The following AMOTL1 variants were observed in gnomAD, a reference collection of about 807,000 sequenced individuals.
AMOTL1 encodes angiomotin like 1.
In AMOTL1, 45 loss-of-function variants were observed where a neutral mutation model predicts 102.9. That is an observed-to-expected ratio of 0.44 (90% CI 0.34 to 0.56). The LOEUF is 0.56. Ranked by LOEUF, AMOTL1 falls within the 20% of genes least tolerant of loss-of-function variation. The probability of loss-of-function intolerance (pLI) is 0.01; values close to 1 mark genes in which losing one functional copy is unlikely to be tolerated. For synonymous variants in AMOTL1, 481 were observed against 484.7 expected, an observed-to-expected ratio of 0.99 and a Z score of 0.10; for missense variants, 1,114 against 1,225.6, an observed-to-expected ratio of 0.91 and a Z score of 1.36.
chr11:94,733,919 A>G (rs1950395235), intron 2 of AMOTL1, among the ~76,000 whole-genome samples: 1 of 152,116 alleles, frequency 6.6e-6, no homozygotes, highest in African/African-American at 2.4e-5. Context: ...GCCAGATTTT[A>G]TTTCCTTTGA....
At chr11:94,746,449 G>A (rs1208356383) in intron 3 of AMOTL1, among the ~76,000 whole-genome samples, 1 of 152,156 alleles carries the variant, frequency 6.6e-6, no homozygotes, top group Admixed American at 6.5e-5. Flanking sequence ...TTTGACATAG[G>A]AGGAACGCCA....
At chr11:94,831,635 T>C in intron 6 of AMOTL1, 94 bp downstream of exon 6, 1 of 1,125,660 alleles carries the variant, frequency 8.9e-7, no homozygotes, top group Middle Eastern at 2.0e-4. Flanking sequence ...GGTTTTGTGC[T>C]GTTTGCTTTT....
intron 4 of AMOTL1, among the ~76,000 whole-genome samples, chr11:94,828,646 T>C (rs1392588569): frequency 6.6e-6 from 1 of 152,210 alleles, no homozygotes; most frequent in Non-Finnish European, 1.5e-5. Context: ...GCTGTCCTTA[T>C]TTCTGTATCG....
chr11:94,761,909 C>T (rs745908256), intron 3 of AMOTL1, among the ~76,000 whole-genome samples: 4 of 152,140 alleles, frequency 2.6e-5, no homozygotes, highest in South Asian at 2.1e-4. Context: ...TCTCACTGTT[C>T]TTTCTATGAA....
intron 1 of AMOTL1, among the ~76,000 whole-genome samples, chr11:94,719,587 TGA>T (rs796713876): frequency 6.6e-6 from 1 of 150,768 alleles, no homozygotes; most frequent in African/African-American, 2.4e-5. Context: ...TGTGTGTGTG[TGA>T]GAGAGAGAGA....
In AMOTL1 at chr11:94,748,792, A is replaced by G. The variant is rs148518745; in HGVS notation, c.136+7804A>G. 9.7e-3 allele frequency among the ~76,000 whole-genome samples: 1,482 copies of G among 152,238 alleles called. 101 individuals are homozygous for G. The highest frequency in any genetic ancestry group is 0.089 in the Admixed American group (1,367 of 15,278). ...AATGCATCACCTGGATTCCTGTTGT[A>G]TTTGACCAATAAGAAGCACTGGCAG... On this transcript the variant is annotated intron_variant, in intron 3 of 4. Coordinates refer to the AMOTL1 transcript ENST00000299004.
intron 3 of AMOTL1, among the ~76,000 whole-genome samples, chr11:94,742,020 A>C (rs948166135): frequency 3.3e-5 from 5 of 152,198 alleles, no homozygotes; most frequent in Non-Finnish European, 5.9e-5. Flanking sequence ...ATTCCACCTC[A>C]ACAACGACTT....
chr11:94,820,002 G>A lies in AMOTL1; in HGVS notation c.1122-1528G>A, dbSNP rs574919653. ...TAATACTAGGTATTTGAGCTATGAAGGGACACCCTTATGTGTTCTTTTTGA... is the reference window on the plus strand; with the variant it reads ...TAATACTAGGTATTTGAGCTATGAAAGGACACCCTTATGTGTTCTTTTTGA... On this transcript the variant is annotated intron_variant, in intron 3 of 12. Coordinates refer to ENST00000433060, the MANE Select transcript of AMOTL1 (RefSeq NM_130847.3). Among the ~76,000 whole-genome samples the A allele has an allele frequency of 3.9e-5, 6 of 152,238 alleles. No homozygotes were observed. In the South Asian group the frequency reaches 1.2e-3, roughly 32 times the overall value.
At chr11:94,724,752 C>T (rs1406820030) in intron 1 of AMOTL1, among the ~76,000 whole-genome samples, 1 of 152,092 alleles carries the variant, frequency 6.6e-6, no homozygotes, top group Non-Finnish European at 1.5e-5. Context: ...TAGTATTTAT[C>T]AAATGAATGA....
At position 94,771,267 on chromosome 11, in the gene AMOTL1, G is replaced by GGT. The variant is rs749331284; in HGVS notation, c.49+2708_49+2709insTG. Among the ~76,000 whole-genome samples, 62 of 143,330 alleles carry GGT rather than the reference G, an allele frequency of 4.3e-4. 3 individuals are homozygous for GGT. The highest frequency in any genetic ancestry group is 8.2e-4 in the Non-Finnish European group (53 of 64,722). The allele number at this position is 143,330 out of a possible 152,430, so 94.0% of individuals were successfully genotyped here. A position where few individuals can be genotyped will look rare whatever the true frequency, so the allele number is the denominator to read the frequency against. ...TTTCTTTTTGGCGGGGTTGGGGGGG[G>GGT]GGTGCGGTGTGTGGCTATCTGCATT... On this transcript the variant is annotated intron_variant, in intron 1 of 12. Transcript: ENST00000433060.
At chr11:94,792,451 A>G (rs1951301155) in intron 1 of AMOTL1, among the ~76,000 whole-genome samples, 1 of 152,254 alleles carries the variant, frequency 6.6e-6, no homozygotes, top group Non-Finnish European at 1.5e-5. Context: ...CATGTACCCT[A>G]GAATTTAAAG....
intron 1 of AMOTL1, among the ~76,000 whole-genome samples, chr11:94,726,216 A>G (rs1292190195): frequency 1.3e-5 from 2 of 152,136 alleles, no homozygotes; most frequent in African/African-American, 4.8e-5. Flanking sequence ...ACGGGTTTTA[A>G]CAGGAGAGTT....
intron 2 of AMOTL1, among the ~76,000 whole-genome samples, chr11:94,731,948 C>G (rs1240931441): frequency 1.3e-5 from 2 of 152,196 alleles, no homozygotes; most frequent in Admixed American, 1.3e-4. Context: ...AGAAAATAAA[C>G]AGTGCTGTTG....
chr11:94,782,182 CA>C (rs1951124319), intron 1 of AMOTL1, among the ~76,000 whole-genome samples: 2 of 152,314 alleles, frequency 1.3e-5, no homozygotes, highest in South Asian at 4.1e-4. Context: ...GAACAACTGA[CA>C]AACTGTGGTT....
chr11:94,831,530 A>G lies in AMOTL1; in HGVS notation c.1637A>G (p.Tyr546Cys), dbSNP rs1287143510. Reference sequence around the variant, plus strand: ...GAAGACAAAGCTGCAGAGGGGCATTATGCTTCCCAGAGTGAGTCTCCACTT... The same window carrying G: ...GAAGACAAAGCTGCAGAGGGGCATTGTGCTTCCCAGAGTGAGTCTCCACTT... ...GHEDKAAEGH[Y>C]ASQNKEFLKE... Residue 546 changes from tyrosine (Y) to cysteine (C), a missense_variant, in exon 6 of 13, where the codon TAT (tyrosine) becomes TGT (cysteine). Tyr to Cys is a radical substitution (Grantham distance 194). Transcript: ENST00000433060. 2 of 1,613,602 alleles carry G rather than the reference A, an allele frequency of 1.2e-6. No individual in the cohort carries two copies. The highest frequency in any genetic ancestry group is 2.7e-5 in the African/African-American group (2 of 74,932).
intron 6 of AMOTL1, among the ~76,000 whole-genome samples, chr11:94,836,501 G>A (rs1323859076): frequency 3.3e-5 from 5 of 152,176 alleles, no homozygotes; most frequent in Admixed American, 1.3e-4. Context: ...GCATGTTCAT[G>A]TACCTGGCAT....
At chr11:94,866,598 G>A (rs1470997666) in intron 11 of AMOTL1, 1 of 196,942 alleles carries the variant, frequency 5.1e-6, no homozygotes, top group Non-Finnish European at 1.1e-5. Flanking sequence ...GGAATAATGG[G>A]ATAATGGGGG....
intron 1 of AMOTL1, among the ~76,000 whole-genome samples, chr11:94,721,896 T>C (rs1315582200): frequency 7.2e-5 from 11 of 152,288 alleles, no homozygotes; most frequent in Non-Finnish European, 5.9e-5. Flanking sequence ...TAAAGATCTA[T>C]ATATTAACAA....
intron 1 of AMOTL1, among the ~76,000 whole-genome samples, chr11:94,783,292 C>G (rs1951137537): frequency 6.6e-6 from 1 of 152,140 alleles, no homozygotes; most frequent in Non-Finnish European, 1.5e-5. Flanking sequence ...TTGTTCAGAA[C>G]AGAACAATAC....
Sources: gnomAD v4.1 joint callset for allele counts (sites outside exome capture counted in the v4.1 genomes callset) on GRCh38, gnomAD v4.1.1 for gene constraint, MANE v1.5 for transcripts, NCBI Gene and HGNC (gene_info 2026-07-23, HGNC 2026-07-21) for gene names.